The following MPP3 variants were observed in gnomAD, a reference collection of about 807,000 sequenced individuals.
MPP3 encodes the protein MAGUK p55 scaffold protein 3, also known as MAGUK p55 subfamily member 3.
A neutral mutation model predicts 80.7 loss-of-function variants in MPP3; 48 were observed. That is an observed-to-expected ratio of 0.59 (90% CI 0.47 to 0.76). MPP3 has a LOEUF of 0.76. Among genes scored for constraint, MPP3 ranks in the 30% least tolerant of loss-of-function variants. The pLI, the probability that MPP3 is intolerant of heterozygous loss-of-function variation, is 0.00. For missense variants in MPP3, 620 were observed against 763.0 expected (o/e 0.81, Z 2.21); for synonymous variants, 311 against 297.6 (o/e 1.04, Z -0.46).
At chr17:43,817,925 T>C in intron 12 of MPP3, 121 bp downstream of exon 12, 1 of 384,896 alleles carries the variant, frequency 2.6e-6, no homozygotes, top group Non-Finnish European at 4.6e-6. Context: ...CTGGAGTCCA[T>C]GAGCTCAGAC....
chr17:43,803,200 C>A (rs1453637006), intron 19 of MPP3, among the ~76,000 whole-genome samples: 4 of 152,146 alleles, frequency 2.6e-5, no homozygotes, highest in African/African-American at 7.2e-5. Flanking sequence ...ATAGACCTGT[C>A]TGCTGCTTCC....
chr17:43,813,898 C>T, intron 16 of MPP3, 113 bp downstream of exon 16: 2 of 901,110 alleles, frequency 2.2e-6, no homozygotes, highest in African/African-American at 1.7e-5. Flanking sequence ...CAGGCAGTGC[C>T]TGGTGATCCT....
intron 9 of MPP3, among the ~76,000 whole-genome samples, chr17:43,824,546 AC>A (rs1228686069): frequency 3.3e-5 from 5 of 151,140 alleles, no homozygotes; most frequent in Non-Finnish European, 5.9e-5. Flanking sequence ...ATCTACAGAG[AC>A]CCTGTAGCCC....
chr17:43,817,915 CTG>C lies in MPP3; in HGVS notation c.946+129_946+130del, dbSNP rs1363657297. 2.5e-5 allele frequency: 11 copies of C among 433,592 alleles called. No individual in the cohort carries two copies. In the East Asian group the frequency reaches 9.9e-4, roughly 39 times the overall value. 26.9% of individuals were successfully genotyped at this position (433,592 alleles called of 1,614,324 possible). ...TCCTACTTCCCACCCCCTCCTTCCTCTGGAGTCCATGAGCTCAGACAAGACCC... is the reference window on the plus strand; with the variant it reads ...TCCTACTTCCCACCCCCTCCTTCCTCGAGTCCATGAGCTCAGACAAGACCC... On this transcript the variant is annotated intron_variant, in intron 12 of 19. Transcript: ENST00000398389.
chr17:43,810,375 C>T (rs566009808), intron 18 of MPP3, among the ~76,000 whole-genome samples: 2 of 152,310 alleles, frequency 1.3e-5, no homozygotes, highest in Non-Finnish European at 2.9e-5. Flanking sequence ...CTGCTCTCCT[C>T]ACTGCCTCCC....
intron 19 of MPP3, among the ~76,000 whole-genome samples, chr17:43,808,227 C>T (rs977589233): frequency 3.9e-5 from 6 of 152,220 alleles, no homozygotes; most frequent in Admixed American, 6.5e-5. Context: ...AGGCCTCCTT[C>T]AGATGAAACC....
chr17:43,816,785 T>A, intron 12 of MPP3, 88 bp from the exon 13 acceptor site: 1 of 1,279,118 alleles, frequency 7.8e-7, no homozygotes, highest in Non-Finnish European at 1.1e-6. Flanking sequence ...CCCGAGTGCC[T>A]GAGGAGCCCG....
intron 8 of MPP3, among the ~76,000 whole-genome samples, chr17:43,827,258 C>T (rs1206263806): frequency 6.6e-6 from 1 of 151,756 alleles, no homozygotes; most frequent in Non-Finnish European, 1.5e-5. Flanking sequence ...TCAGGTGATC[C>T]GCCCACCTCG....
At chr17:43,824,692 C>T (rs1163577535) in intron 9 of MPP3, among the ~76,000 whole-genome samples, 1 of 152,216 alleles carries the variant, frequency 6.6e-6, no homozygotes, top group African/African-American at 2.4e-5. Context: ...GCACCCAAAG[C>T]CACAAAAAAG....
chr17:43,830,127 C>G lies in MPP3; in HGVS notation c.223-20G>C. The G allele has an allele frequency of 6.6e-7, 1 of 1,507,942 alleles. No homozygotes were observed. Among genetic ancestry groups the G allele is most frequent in the Non-Finnish European group, 8.9e-7 (1 of 1,126,978 alleles). 93.4% of individuals were successfully genotyped at this position (1,507,942 alleles called of 1,614,324 possible). On this transcript the variant is annotated intron_variant, in intron 5 of 19. Transcript: ENST00000398389. ...CATCACCTGCAGAGAATGAGACAGGCGCCACTGATGGCTAGAGGTGCCCCT... is the reference window on the plus strand; with the variant it reads ...CATCACCTGCAGAGAATGAGACAGGGGCCACTGATGGCTAGAGGTGCCCCT...
intron 14 of MPP3, chr17:43,814,626 G>A (rs866841279): frequency 5.6e-6 from 2 of 359,394 alleles, no homozygotes; most frequent in East Asian, 4.3e-5. Context: ...TCATCTCTCT[G>A]AGCCTCAATT....
Position 43,817,762 on chromosome 17 carries a change from C to T in MPP3, c.946+284G>A, listed in dbSNP as rs993224471. On this transcript the variant is annotated intron_variant, in intron 12 of 19. Transcript: ENST00000398389. ...CTAACGAAAGCTGTGGATCCTCACA[C>T]GCACATGCACACGCGTGTGAACACA... Among the ~76,000 whole-genome samples, 10 of 152,188 alleles carry T rather than the reference C, an allele frequency of 6.6e-5. No homozygotes were observed. The highest frequency in any genetic ancestry group is 4.1e-4 in the South Asian group (2 of 4,826).
chr17:43,812,146 T>A (rs1347361998), intron 16 of MPP3, among the ~76,000 whole-genome samples: 1 of 152,232 alleles, frequency 6.6e-6, no homozygotes, highest in African/African-American at 2.4e-5. Context: ...TGTTTTCTCA[T>A]TGATTTCCAT....
rs1271957777 is a variant in MPP3 at position 43,810,688 on chromosome 17, A to T, written c.1458+119T>A. On this transcript the variant is annotated intron_variant, in intron 18 of 19. Transcript: ENST00000398389. ...CTCAAAGGAAGACCCAAAGAAATTG[A>T]ACAGCCAGTGTTCTAGACTAAAAAT... is the stretch of plus-strand genomic sequence containing the variant. 6 of 685,938 alleles carry T rather than the reference A, an allele frequency of 8.7e-6. No homozygotes were observed. The East Asian group carries it at 1.1e-4, about 12-fold the overall frequency. 42.5% of individuals were successfully genotyped at this position (685,938 alleles called of 1,614,324 possible). A position where few individuals can be genotyped will look rare whatever the true frequency, so the allele number is the denominator to read the frequency against.
chr17:43,818,090 G>C lies in MPP3; in HGVS notation c.902C>G (p.Ala301Gly). ...CTGGGGGCTCGGCAGGGTGCCCGCG[G>C]CTCTCCGGTAGCTTAGTCGTCTGCA... Reference protein sequence around the residue: ...FQERRLSYRRAAGTLPSPQSL... With the variant: ...FQERRLSYRRGAGTLPSPQSL... The change falls in exon 12 of 20, where the codon GCC becomes GGC. Residue 301 changes from alanine (A) to glycine (G), a missense_variant. Ala to Gly is a moderately conservative substitution (Grantham distance 60). Transcript: ENST00000398389. 2 of 1,570,088 alleles carry C rather than the reference G, an allele frequency of 1.3e-6. No homozygotes were observed. The highest frequency in any genetic ancestry group is 1.7e-4 in the Middle Eastern group (1 of 5,918).
At chr17:43,827,508 G>A (rs2045769273) in intron 8 of MPP3, among the ~76,000 whole-genome samples, 1 of 152,014 alleles carries the variant, frequency 6.6e-6, no homozygotes, top group African/African-American at 2.4e-5. Context: ...GCCTGCCTCG[G>A]CCTCTTAAAG....
intron 18 of MPP3, among the ~76,000 whole-genome samples, chr17:43,810,303 G>A (rs992602937): frequency 2.0e-5 from 3 of 152,176 alleles, no homozygotes; most frequent in Non-Finnish European, 2.9e-5. Context: ...GTGTGCAGGA[G>A]TGGAAATGTT....
chr17:43,807,192 C>T (rs545275419), intron 19 of MPP3, among the ~76,000 whole-genome samples: 63 of 150,382 alleles, frequency 4.2e-4, no homozygotes, highest in African/African-American at 1.1e-3. Context: ...TGGCTGGTCT[C>T]GAATTCCTGA....
intron 17 of MPP3, 91 bp downstream of exon 17, chr17:43,811,021 T>A (rs1165546226): frequency 1.2e-5 from 17 of 1,450,328 alleles, no homozygotes; most frequent in Non-Finnish European, 1.5e-5. Flanking sequence ...TCCCCCATCC[T>A]TTCCGGGAGT....
Sources: allele counts gnomAD v4.1 joint callset (sites outside exome capture counted in the v4.1 genomes callset), GRCh38; gene constraint gnomAD v4.1.1; transcripts MANE v1.5; gene names NCBI Gene and HGNC (gene_info 2026-07-23, HGNC 2026-07-21).